The following PDCD10 variants were observed in gnomAD, a reference collection of about 807,000 sequenced individuals.
The protein encoded by PDCD10 is programmed cell death protein 10.
Under a neutral mutation model 29.2 loss-of-function variants are expected in PDCD10, and 4 were observed. The observed-to-expected ratio is 0.14, with a 90% CI of 0.07 to 0.31. The LOEUF (loss-of-function observed/expected upper bound fraction) is 0.31, where lower values mean the gene tolerates loss of function less well. PDCD10 is among the 10% of genes least tolerant of loss of function. The pLI is 1.00. For missense variants in PDCD10, 183 were observed against 257.9 expected (o/e 0.71, Z 1.99); for synonymous variants, 70 against 82.2 (o/e 0.85, Z 0.80).
At chr3:167,731,301 T>C (rs1186074587) in intron 2 of PDCD10, among the ~76,000 whole-genome samples, 2 of 152,220 alleles carry the variant, frequency 1.3e-5, no homozygotes, top group Non-Finnish European at 2.9e-5. Flanking sequence ...AGGACAGTGA[T>C]AAGTCTCTAA....
chr3:167,724,856 A>C, intron 2 of PDCD10, among the ~76,000 whole-genome samples: 1 of 152,224 alleles, frequency 6.6e-6, no homozygotes. Flanking sequence ...AATCATTAAA[A>C]ATTATTTACA....
chr3:167,712,717 C>T (rs1443048852), intron 3 of PDCD10, among the ~76,000 whole-genome samples: 1 of 151,952 alleles, frequency 6.6e-6, no homozygotes, highest in Non-Finnish European at 1.5e-5. Context: ...ACGAGAAACA[C>T]ATTTCACCTA....
chr3:167,695,789 T>C, intron 5 of PDCD10, 67 bp from the exon 6 acceptor site: 1 of 1,523,738 alleles, frequency 6.6e-7, no homozygotes, highest in Non-Finnish European at 9.1e-7. Context: ...CATCTAAGAA[T>C]TTCCAATGTT....
intron 3 of PDCD10, among the ~76,000 whole-genome samples, chr3:167,705,616 A>G (rs1721897434): frequency 6.6e-6 from 1 of 152,216 alleles, no homozygotes; most frequent in Non-Finnish European, 1.5e-5. Flanking sequence ...AACTTTAAGC[A>G]CAAAGCAAAA....
intron 3 of PDCD10, among the ~76,000 whole-genome samples, chr3:167,712,728 T>C (rs1256017720): frequency 1.3e-5 from 2 of 151,856 alleles, no homozygotes; most frequent in African/African-American, 2.4e-5. Flanking sequence ...ATTTCACCTA[T>C]AAAGACATCT....
At chr3:167,715,051 A>G (rs1452983109) in intron 3 of PDCD10, among the ~76,000 whole-genome samples, 1 of 151,806 alleles carries the variant, frequency 6.6e-6, no homozygotes, top group South Asian at 2.1e-4. Context: ...CCAAAATGCC[A>G]TCTACTGGCA....
Position 167,720,164 on chromosome 3 carries a change from G to T in PDCD10, c.-7C>A. The T allele has an allele frequency of 1.3e-6, 2 of 1,588,370 alleles. No individual in the cohort carries two copies. Among genetic ancestry groups the T allele is most frequent in the Non-Finnish European group, 1.7e-6 (2 of 1,157,020 alleles). Reference sequence around the variant, plus strand: ...CTTCCATTGTCATCCTCATTCAAAAGCCAACTACAGTTGAAAAAGCAGTGC... The same window carrying T: ...CTTCCATTGTCATCCTCATTCAAAATCCAACTACAGTTGAAAAAGCAGTGC... On this transcript the variant is annotated 5_prime_UTR_variant, in exon 3 of 9. Coordinates refer to ENST00000392750, the MANE Select transcript of PDCD10 (RefSeq NM_007217.4).
At chr3:167,714,098 A>G (rs1174498873) in intron 3 of PDCD10, among the ~76,000 whole-genome samples, 2 of 152,028 alleles carry the variant, frequency 1.3e-5, no homozygotes, top group South Asian at 2.1e-4. Context: ...ACACATCAAA[A>G]AAGGAAAACT....
chr3:167,690,987 C>A (rs1158022540), intron 6 of PDCD10, among the ~76,000 whole-genome samples: 1 of 152,146 alleles, frequency 6.6e-6, no homozygotes, highest in Non-Finnish European at 1.5e-5. Context: ...TTGATACAAT[C>A]TATAGCATCA....
intron 2 of PDCD10, among the ~76,000 whole-genome samples, chr3:167,727,316 C>T (rs1180348882): frequency 6.6e-6 from 1 of 152,150 alleles, no homozygotes; most frequent in African/African-American, 2.4e-5. Context: ...TTCAAAGCAA[C>T]TTGTTCAGGG....
intron 3 of PDCD10, among the ~76,000 whole-genome samples, chr3:167,719,794 A>G (rs1723389933): frequency 6.6e-6 from 1 of 152,048 alleles, no homozygotes; most frequent in South Asian, 2.1e-4. Flanking sequence ...TTTACACTTC[A>G]TAGTACTTCA....
chr3:167,716,682 G>C (rs1393999323), intron 3 of PDCD10, among the ~76,000 whole-genome samples: 2 of 151,856 alleles, frequency 1.3e-5, no homozygotes, highest in Non-Finnish European at 2.9e-5. Flanking sequence ...TTCCATATCT[G>C]CTAATAATTC....
chr3:167,722,608 G>C (rs1211205409), intron 2 of PDCD10, among the ~76,000 whole-genome samples: 1 of 152,102 alleles, frequency 6.6e-6, no homozygotes, highest in Non-Finnish European at 1.5e-5. Flanking sequence ...TCCCTGCAGG[G>C]GCTAAGAGAG....
intron 5 of PDCD10, among the ~76,000 whole-genome samples, chr3:167,696,736 C>T (rs1232163363): frequency 6.6e-6 from 1 of 152,006 alleles, no homozygotes. Flanking sequence ...CTGAAACTCA[C>T]CAAACATAAA....
At chr3:167,718,234 C>T (rs1462294634) in intron 3 of PDCD10, among the ~76,000 whole-genome samples, 3 of 151,962 alleles carry the variant, frequency 2.0e-5, no homozygotes, top group South Asian at 2.1e-4. Flanking sequence ...TCTGTGTTTC[C>T]GAATAGATTC....
chr3:167,721,507 T>C (rs983381609), intron 2 of PDCD10, among the ~76,000 whole-genome samples: 1 of 152,190 alleles, frequency 6.6e-6, no homozygotes, highest in Non-Finnish European at 1.5e-5. Context: ...TTCCTAATCA[T>C]TAAAAATTTA....
chr3:167,726,485 T>C (rs1178297339), intron 2 of PDCD10, among the ~76,000 whole-genome samples: 1 of 152,112 alleles, frequency 6.6e-6, no homozygotes, highest in African/African-American at 2.4e-5. Context: ...CAGCAGGAGA[T>C]AGTGCTCAGT....
Position 167,711,319 on chromosome 3 carries a change from CAA to C in PDCD10, c.97-6426_97-6425del, listed in dbSNP as rs373978770. Among the ~76,000 whole-genome samples the C allele has an allele frequency of 2.1e-4, 32 of 152,200 alleles. No homozygotes were observed. The East Asian group carries it at 5.8e-3, about 28-fold the overall frequency. ...TCAGAATCCTATCCGACAAATTTAACAAAGAGACTGAAATTATTTTGTAAAAT... is the reference window on the plus strand; with the variant it reads ...TCAGAATCCTATCCGACAAATTTAACAGAGACTGAAATTATTTTGTAAAAT... On this transcript the variant is annotated intron_variant, in intron 3 of 8. Coordinates refer to ENST00000392750, the MANE Select transcript of PDCD10 (RefSeq NM_007217.4).
intron 2 of PDCD10, among the ~76,000 whole-genome samples, chr3:167,724,565 A>G (rs1408918816): frequency 6.6e-6 from 1 of 152,230 alleles, no homozygotes; most frequent in African/African-American, 2.4e-5. Context: ...TAGCGGGCAC[A>G]TAACAGACAC....
Sources: allele counts gnomAD v4.1 joint callset (sites outside exome capture counted in the v4.1 genomes callset), GRCh38; gene constraint gnomAD v4.1.1; transcripts MANE v1.5; gene names NCBI Gene and HGNC (gene_info 2026-07-23, HGNC 2026-07-21).